The following IQCJ variants were observed in gnomAD, a reference collection of about 807,000 sequenced individuals.
The protein encoded by IQCJ is IQ domain-containing protein J.
In IQCJ, 9 loss-of-function variants were observed where a neutral mutation model predicts 11.0. That is an observed-to-expected ratio of 0.82 (90% CI 0.49 to 1.43). The LOEUF is 1.43. IQCJ is among the 40% of genes most tolerant of loss of function. IQCJ has a pLI of 0.00. For missense variants in IQCJ, 146 were observed against 133.2 expected, an observed-to-expected ratio of 1.10 and a Z score of -0.47; for synonymous variants, 55 against 51.3, an observed-to-expected ratio of 1.07 and a Z score of -0.31.
intron 1 of IQCJ, among the ~76,000 whole-genome samples, chr3:159,215,955 C>T (rs1410667178): frequency 6.6e-6 from 1 of 151,888 alleles, no homozygotes; most frequent in Non-Finnish European, 1.5e-5. Context: ...GAACTACTTA[C>T]ATTATATTAG....
chr3:159,113,127 T>C (rs1718738089), intron 1 of IQCJ, among the ~76,000 whole-genome samples: 1 of 152,200 alleles, frequency 6.6e-6, no homozygotes, highest in African/African-American at 2.4e-5. Flanking sequence ...AACCATGCCA[T>C]GAAGAAAAAT....
At chr3:159,105,268 C>T (rs768478540) in intron 1 of IQCJ, among the ~76,000 whole-genome samples, 2 of 152,088 alleles carry the variant, frequency 1.3e-5, no homozygotes, top group Non-Finnish European at 2.9e-5. Context: ...ACTCAGAAGC[C>T]TTTGGGGACT....
chr3:159,258,369 G>C (rs1228449296), intron 3 of IQCJ, among the ~76,000 whole-genome samples: 1 of 152,174 alleles, frequency 6.6e-6, no homozygotes, highest in Non-Finnish European at 1.5e-5. Context: ...GTCAGCCCGG[G>C]GGAATGGACC....
chr3:159,084,860 C>T (rs1482799155), intron 1 of IQCJ, among the ~76,000 whole-genome samples: 1 of 151,728 alleles, frequency 6.6e-6, no homozygotes, highest in Admixed American at 6.6e-5. Context: ...TCCTGTCTTT[C>T]GGGTCTTGGA....
chr3:159,076,956 A>G (rs1002141801), intron 1 of IQCJ, among the ~76,000 whole-genome samples: 2 of 152,272 alleles, frequency 1.3e-5, no homozygotes, highest in Admixed American at 6.5e-5. Context: ...CTTAAGGTAT[A>G]TAAAGTACTT....
At chr3:159,247,593 A>T (rs1282467474) in intron 2 of IQCJ, among the ~76,000 whole-genome samples, 1 of 152,224 alleles carries the variant, frequency 6.6e-6, no homozygotes, top group Non-Finnish European at 1.5e-5. Flanking sequence ...TCTGTGCAGC[A>T]TTCCTTCCTC....
intron 1 of IQCJ, among the ~76,000 whole-genome samples, chr3:159,158,938 C>T (rs975038269): frequency 6.6e-6 from 1 of 152,134 alleles, no homozygotes; most frequent in African/African-American, 2.4e-5. Context: ...GAGGTTCATA[C>T]CCACAGGTCT....
chr3:159,169,474 G>A lies in IQCJ; in HGVS notation c.10-76369G>A, dbSNP rs145063558. 4.6e-3 allele frequency among the ~76,000 whole-genome samples: 691 copies of A among 151,122 alleles called. 3 individuals carry two copies. Among genetic ancestry groups the A allele is most frequent in the African/African-American group, 0.016 (666 of 41,254 alleles). ...CTAATTTTTGTATTTTTTAGTAGAG[G>A]CGGGGTGGTTTCACCATGTTGGTCA... On this transcript the variant is annotated intron_variant, in intron 1 of 3. Coordinates refer to ENST00000397832, the MANE Select transcript of IQCJ (RefSeq NM_001042706.3).
chr3:159,252,915 A>T, intron 3 of IQCJ, 108 bp downstream of exon 3: 1 of 1,099,536 alleles, frequency 9.1e-7, no homozygotes, highest in Non-Finnish European at 1.3e-6. Flanking sequence ...TTTTACATTC[A>T]TGTGCTGCAT....
At chr3:159,117,074 T>C (rs1473154811) in intron 1 of IQCJ, among the ~76,000 whole-genome samples, 1 of 152,198 alleles carries the variant, frequency 6.6e-6, no homozygotes, top group Non-Finnish European at 1.5e-5. Flanking sequence ...CCGTAAAACA[T>C]TTTGAAAGAG....
intron 1 of IQCJ, among the ~76,000 whole-genome samples, chr3:159,093,822 T>C (rs1717520451): frequency 6.6e-6 from 1 of 151,826 alleles, no homozygotes; most frequent in Non-Finnish European, 1.5e-5. Context: ...AAGCCCTTTA[T>C]AAAACCATCA....
rs375176685 is a variant in IQCJ at position 159,129,466 on chromosome 3, A to G, written c.9+60025A>G. On this transcript the variant is annotated intron_variant, in intron 1 of 3. Coordinates refer to ENST00000397832, the MANE Select transcript of IQCJ (RefSeq NM_001042706.3). Reference sequence around the variant, plus strand: ...TCTAAGCTTGTGGCACAAGTTGACTAGAGGTGGGGTTCTTTGTTTGCTCAG... The same window carrying G: ...TCTAAGCTTGTGGCACAAGTTGACTGGAGGTGGGGTTCTTTGTTTGCTCAG... Among the ~76,000 whole-genome samples, 13 of 152,262 alleles carry G rather than the reference A, an allele frequency of 8.5e-5. No homozygotes were observed. The South Asian group carries it at 2.5e-3, about 29-fold the overall frequency.
chr3:159,074,454 G>A (rs1199529829), intron 1 of IQCJ, among the ~76,000 whole-genome samples: 2 of 152,074 alleles, frequency 1.3e-5, no homozygotes, highest in Non-Finnish European at 2.9e-5. Flanking sequence ...GAAATGGACA[G>A]GAGGAAGATC....
At position 159,171,383 on chromosome 3, in the gene IQCJ, A is replaced by G. The variant is rs1339657872; in HGVS notation, c.10-74460A>G. Among the ~76,000 whole-genome samples, 5 of 152,192 alleles carry G rather than the reference A, an allele frequency of 3.3e-5. No individual in the cohort carries two copies. The East Asian group carries it at 9.6e-4, about 29-fold the overall frequency. ...GCGTCAGAGACACTGTCCTTATCCAAAGAGCCCATGAGTGCTTCTCAGAGA... is the reference window on the plus strand; with the variant it reads ...GCGTCAGAGACACTGTCCTTATCCAGAGAGCCCATGAGTGCTTCTCAGAGA... On this transcript the variant is annotated intron_variant, in intron 1 of 3. Transcript: ENST00000397832.
chr3:159,252,737 G>T lies in IQCJ; in HGVS notation c.85G>T (p.Ala29Ser), dbSNP rs754538698. Residue 29 changes from alanine (A) to serine (S), a missense_variant, in exon 3 of 4, where the codon GCC (alanine) becomes TCC (serine). Ala to Ser is a moderately conservative substitution (Grantham distance 99, BLOSUM62 1). Transcript: ENST00000397832. ...TATTTCTGTTTCTAGTCACCAGCTG[G>T]CCATGGATGCAGAGAATAATATTGA... ...GKYSFENHQL[A>S]MDAENNIEKY... is the part of the protein sequence containing the mutation. 3 of 1,610,814 alleles carry T rather than the reference G, an allele frequency of 1.9e-6. No individual in the cohort carries two copies. Among genetic ancestry groups the T allele is most frequent in the Non-Finnish European group, 2.5e-6 (3 of 1,178,366 alleles).
At chr3:159,162,006 C>T (rs543788201) in intron 1 of IQCJ, among the ~76,000 whole-genome samples, 71 of 152,198 alleles carry the variant, frequency 4.7e-4, no homozygotes, top group Admixed American at 1.0e-3. Flanking sequence ...ATTGACTTGG[C>T]GACACGGGCT....
chr3:159,094,911 T>G lies in IQCJ; in HGVS notation c.9+25470T>G, dbSNP rs527568931. On this transcript the variant is annotated intron_variant, in intron 1 of 3. Coordinates refer to ENST00000397832, the MANE Select transcript of IQCJ (RefSeq NM_001042706.3). ...GTACCTGTATCAGTAGTTACAGTAT[T>G]GAAGTTATTCCACATCAGGTAGTAA... is the stretch of plus-strand genomic sequence containing the variant. 2.0e-5 allele frequency among the ~76,000 whole-genome samples: 3 copies of G among 152,036 alleles called. No homozygotes were observed. The South Asian group carries it at 6.2e-4, about 31-fold the overall frequency.
At chr3:159,259,403 G>A (rs1390928463) in intron 3 of IQCJ, among the ~76,000 whole-genome samples, 1 of 152,004 alleles carries the variant, frequency 6.6e-6, no homozygotes, top group East Asian at 1.9e-4. Context: ...ATAATGAATA[G>A]CATTGTCTAG....
chr3:159,231,348 T>G (rs1726235834), intron 1 of IQCJ, among the ~76,000 whole-genome samples: 1 of 152,192 alleles, frequency 6.6e-6, no homozygotes, highest in African/African-American at 2.4e-5. Context: ...AAAATACAGT[T>G]TAGGATCTGG....
Sources: allele counts gnomAD v4.1 joint callset (sites outside exome capture counted in the v4.1 genomes callset), GRCh38; gene constraint gnomAD v4.1.1; transcripts MANE v1.5; gene names NCBI Gene and HGNC (gene_info 2026-07-23, HGNC 2026-07-21).